Variants in SLC14A2 observed in about 807,000 individuals in gnomAD.
The protein encoded by SLC14A2 is urea transporter 2.
A neutral mutation model predicts 104.6 loss-of-function variants in SLC14A2; 91 were observed. The ratio of observed to expected loss-of-function variants is 0.87; its 90% CI spans 0.73 to 1.04. The LOEUF (loss-of-function observed/expected upper bound fraction) is 1.04. Among genes scored for constraint, SLC14A2 ranks in the 50% least tolerant of loss-of-function variants. The probability of loss-of-function intolerance (pLI) is 0.00; values close to 1 mark genes in which losing one functional copy is unlikely to be tolerated. For synonymous variants in SLC14A2, 476 were observed against 466.4 expected, an observed-to-expected ratio of 1.02 and a Z score of -0.27; for missense variants, 1,189 against 1,156.0, an observed-to-expected ratio of 1.03 and a Z score of -0.41.
At chr18:45,551,932 T>C (rs1430920689) in intron 2 of SLC14A2, among the ~76,000 whole-genome samples, 1 of 152,242 alleles carries the variant, frequency 6.6e-6, no homozygotes, top group Non-Finnish European at 1.5e-5. Context: ...TAAGTACTAT[T>C]GCATAGTATT....
intron 18 of SLC14A2, among the ~76,000 whole-genome samples, chr18:45,675,493 T>C (rs1309071674): frequency 4.0e-5 from 6 of 151,434 alleles, no homozygotes; most frequent in Non-Finnish European, 8.8e-5. Context: ...CACATACAAG[T>C]GGAGTTTGGG....
In SLC14A2 at chr18:45,596,402, G is replaced by C. The variant is rs537128792; in HGVS notation, c.-34-28229G>C. Among the ~76,000 whole-genome samples the C allele has an allele frequency of 7.9e-4, 121 of 152,334 alleles. 1 individual carries two copies. The highest frequency in any genetic ancestry group is 2.8e-3 in the African/African-American group (117 of 41,574). ...TATTTCAAACTCTTATTGGGGAACA[G>C]GGAGATATTACAATTAAAAGGGAAG... On this transcript the variant is annotated intron_variant, in intron 2 of 20. Coordinates refer to the SLC14A2 transcript ENST00000586448.
At chr18:45,659,311 G>T (rs571429514) in intron 10 of SLC14A2, among the ~76,000 whole-genome samples, 1 of 152,348 alleles carries the variant, frequency 6.6e-6, no homozygotes, top group African/African-American at 2.4e-5. Flanking sequence ...TATTGGAGGT[G>T]AGGGGGTGGC....
chr18:45,623,013 A>G (rs879869110), intron 1 of SLC14A2, among the ~76,000 whole-genome samples: 14 of 152,122 alleles, frequency 9.2e-5, no homozygotes, highest in Non-Finnish European at 1.3e-4. Flanking sequence ...CTGGAATTTC[A>G]CCATACAAGC....
At chr18:45,343,676 T>C (rs562143511) in intron 1 of SLC14A2, among the ~76,000 whole-genome samples, 1 of 152,368 alleles carries the variant, frequency 6.6e-6, no homozygotes, top group South Asian at 2.1e-4. Context: ...TAATTTTGGC[T>C]GAAAGGATTC....
chr18:45,600,810 C>A (rs1482922279), intron 2 of SLC14A2, among the ~76,000 whole-genome samples: 1 of 152,156 alleles, frequency 6.6e-6, no homozygotes, highest in African/African-American at 2.4e-5. Context: ...CAAATTCAAG[C>A]TTTTAAATAA....
At chr18:45,423,450 G>A (rs2086377486) in intron 1 of SLC14A2, among the ~76,000 whole-genome samples, 1 of 152,168 alleles carries the variant, frequency 6.6e-6, no homozygotes, top group African/African-American at 2.4e-5. Context: ...GGCCAGTAAT[G>A]TTGTAAAATG....
At chr18:45,666,538 G>A (rs542070311) in intron 12 of SLC14A2, among the ~76,000 whole-genome samples, 2 of 150,184 alleles carry the variant, frequency 1.3e-5, no homozygotes, top group African/African-American at 4.9e-5. Context: ...TTTATGAACA[G>A]TTATATCTTA....
chr18:45,411,698 G>C (rs907802334), intron 1 of SLC14A2, among the ~76,000 whole-genome samples: 5 of 152,134 alleles, frequency 3.3e-5, no homozygotes, highest in Admixed American at 6.6e-5. Flanking sequence ...ATATGGGAAG[G>C]CCACTGAGGA....
At chr18:45,299,388 A>G (rs1457457810) in intron 1 of SLC14A2, among the ~76,000 whole-genome samples, 1 of 152,148 alleles carries the variant, frequency 6.6e-6, no homozygotes, top group African/African-American at 2.4e-5. Flanking sequence ...CTCCCAGGAA[A>G]AGCCAGGGGT....
intron 1 of SLC14A2, among the ~76,000 whole-genome samples, chr18:45,457,680 T>C (rs1204096824): frequency 1.1e-5 from 1 of 90,388 alleles, no homozygotes; most frequent in Non-Finnish European, 2.3e-5. Context: ...AGAAAGGTTA[T>C]GGAGGTTAAA....
intron 2 of SLC14A2, among the ~76,000 whole-genome samples, chr18:45,598,173 T>C (rs1197633693): frequency 1.3e-5 from 2 of 152,228 alleles, no homozygotes; most frequent in Non-Finnish European, 2.9e-5. Context: ...CTAGTCAAAA[T>C]GGAGCCAGCC....
At chr18:45,452,331 T>A (rs959182611) in intron 1 of SLC14A2, among the ~76,000 whole-genome samples, 4 of 152,232 alleles carry the variant, frequency 2.6e-5, no homozygotes, top group Admixed American at 6.5e-5. Context: ...TGAATTTTTT[T>A]AAAGTGCATT....
chr18:45,594,505 G>C (rs747695294), intron 2 of SLC14A2, among the ~76,000 whole-genome samples: 3 of 152,114 alleles, frequency 2.0e-5, no homozygotes, highest in Non-Finnish European at 4.4e-5. Flanking sequence ...GAAAGGTTCA[G>C]CTTGTCCCTC....
chr18:45,442,882 T>C (rs1424354182), intron 1 of SLC14A2, among the ~76,000 whole-genome samples: 1 of 152,178 alleles, frequency 6.6e-6, no homozygotes, highest in Non-Finnish European at 1.5e-5. Context: ...ACATCAACCA[T>C]ATTGTCTAGG....
intron 1 of SLC14A2, among the ~76,000 whole-genome samples, chr18:45,617,524 AC>A (rs1225850073): frequency 6.6e-6 from 1 of 151,826 alleles, no homozygotes; most frequent in Non-Finnish European, 1.5e-5. Flanking sequence ...ACTCTGAGCC[AC>A]CCCTAATAAA....
intron 1 of SLC14A2, among the ~76,000 whole-genome samples, chr18:45,214,389 A>G (rs2083989156): frequency 6.6e-6 from 1 of 152,124 alleles, no homozygotes; most frequent in Non-Finnish European, 1.5e-5. Flanking sequence ...GGGGAGATAG[A>G]GAGGGAGGAA....
Position 45,639,797 on chromosome 18 carries a change from C to T in SLC14A2, c.895C>T (p.Pro299Ser), listed in dbSNP as rs762462493. Residue 299 changes from proline (P) to serine (S), a missense_variant, in exon 7 of 20, where the codon CCC (proline) becomes TCC (serine). Physicochemically the swap from Pro to Ser is moderately conservative, Grantham distance 74. Transcript: ENST00000255226. ...GVGQVYGCDN[P>S]WTGGVFLVAL... ...CGGCCAGGTGTATGGCTGTGACAAT[C>T]CCTGGACAGGCGGCGTGTTCCTGGT... The T allele has an allele frequency of 9.3e-6, 15 of 1,613,874 alleles. No individual in the cohort carries two copies. Among genetic ancestry groups the T allele is most frequent in the East Asian group, 4.5e-5 (2 of 44,884 alleles).
intron 1 of SLC14A2, among the ~76,000 whole-genome samples, chr18:45,246,738 C>T (rs545480092): frequency 8.5e-5 from 13 of 152,100 alleles, no homozygotes; most frequent in East Asian, 3.9e-4. Context: ...ACACTGGGCA[C>T]GGTGGCTCAC....
Sources: allele counts gnomAD v4.1 joint callset (sites outside exome capture counted in the v4.1 genomes callset), GRCh38; gene constraint gnomAD v4.1.1; transcripts MANE v1.5; gene names NCBI Gene and HGNC (gene_info 2026-07-23, HGNC 2026-07-21).